SI: variants seen among roughly 807,000 people sequenced by gnomAD.
SI encodes sucrase-isomaltase, intestinal.
A neutral mutation model predicts 253.3 loss-of-function variants in SI; 235 were observed. The ratio of observed to expected loss-of-function variants is 0.93; its 90% CI spans 0.83 to 1.03. SI has a LOEUF of 1.03. SI is among the 50% of genes least tolerant of loss of function. SI has a pLI of 0.00. For missense variants in SI, 2,442 were observed against 2,211.1 expected, an observed-to-expected ratio of 1.10 and a Z score of -2.09; for synonymous variants, 819 against 712.0, an observed-to-expected ratio of 1.15 and a Z score of -2.39.
intron 33 of SI, 61 bp from the exon 34 acceptor site, chr3:165,013,103 T>C: frequency 2.9e-6 from 3 of 1,036,470 alleles, no homozygotes; most frequent in South Asian, 1.3e-5. Context: ...ATGATTGCTA[T>C]GTAGATGAAG....
At position 165,013,036 on chromosome 3, in the gene SI, G is replaced by A. The variant is rs866980007; in HGVS notation, c.4006C>T (p.Pro1336Ser). Residue 1336 changes from proline to serine, a missense_variant, in exon 34 of 48, where the codon CCA becomes TCA. Coordinates refer to ENST00000264382, the MANE Select transcript of SI (RefSeq NM_001041.4). ...TCTATTGTTATGTTGGGCAAATCTG[G>A]CCAAACCTACAAGAGACAAGACATG... ...TNDICWAKVW[P>S]DLPNITIDKT... The A allele has an allele frequency of 1.2e-6, 2 of 1,604,318 alleles. No individual in the cohort carries two copies. The highest frequency in any genetic ancestry group is 1.1e-5 in the South Asian group (1 of 90,822).
intron 44 of SI, 75 bp downstream of exon 44, chr3:164,991,278 C>A (rs1178598553): frequency 1.2e-5 from 19 of 1,560,702 alleles, no homozygotes; most frequent in Non-Finnish European, 1.7e-5. Context: ...AAATTTCAAA[C>A]CCTTTCTATT....
rs1175897541 is a variant in SI, at chr3:165,049,823, A to C, written c.1565T>G (p.Val522Gly). The C allele has an allele frequency of 5.6e-6, 9 of 1,607,162 alleles. No individual in the cohort carries two copies. The highest frequency in any genetic ancestry group is 1.3e-5 in the African/African-American group (1 of 74,890). The part of the protein sequence containing the change: ...FIQGSTKGCN[V>G]NKLNYPPFTP... ...AAACGGTGGATAATTCAATTTGTTT[A>C]CATTACATCCTTTTGTTGAACCTTG... Residue 522 changes from valine to glycine, a missense_variant, in exon 14 of 48, where the codon GTA (valine) becomes GGA (glycine). Val to Gly is a moderately radical substitution (Grantham distance 109). Transcript: ENST00000264382.
chr3:165,006,498 A>G (rs562885827), intron 37 of SI, among the ~76,000 whole-genome samples: 3 of 152,312 alleles, frequency 2.0e-5, no homozygotes, highest in African/African-American at 4.8e-5. Flanking sequence ...ATTCATTTAT[A>G]AATATTAATC....
At chr3:165,029,588 A>T (rs565089553) in intron 25 of SI, among the ~76,000 whole-genome samples, 86 of 145,690 alleles carry the variant, frequency 5.9e-4, no homozygotes, top group African/African-American at 2.0e-3. Context: ...ATACATATAT[A>T]TGTATATATA....
At chr3:165,063,372 G>T in intron 8 of SI, 70 bp downstream of exon 8, 6 of 734,668 alleles carry the variant, frequency 8.2e-6, no homozygotes, top group Admixed American at 2.0e-5. Flanking sequence ...ATGAATGATT[G>T]AAATAAAGAG....
chr3:165,017,638 A>C lies in SI; in HGVS notation c.3669T>G (p.Ala1223=), dbSNP rs1214294332. ...IGHPVMPAYW[A]LGFQLCRYGY... is the part of the protein sequence containing the mutation. ...CATAACGACATAATTGGAATCCCAA[A>C]GCCCAATAAGCTGGCATGACTGGAT... The change falls in exon 31 of 48, where the codon GCT becomes GCG. Residue 1223 remains alanine (A), a synonymous_variant. Transcript: ENST00000264382. 6.2e-7 allele frequency: 1 copy of C among 1,612,932 alleles called. No individual in the cohort carries two copies. Among genetic ancestry groups the C allele is most frequent in the Admixed American group, 1.7e-5 (1 of 59,940 alleles).
At chr3:165,012,113 T>C (rs1718800396) in intron 34 of SI, among the ~76,000 whole-genome samples, 1 of 152,186 alleles carries the variant, frequency 6.6e-6, no homozygotes, top group Non-Finnish European at 1.5e-5. Context: ...ATGTTTAGGA[T>C]GTTATACTGA....
chr3:165,025,920 A>G (rs891971105), intron 25 of SI, among the ~76,000 whole-genome samples: 2 of 151,198 alleles, frequency 1.3e-5, no homozygotes, highest in African/African-American at 2.4e-5. Context: ...CCTATAAAAC[A>G]TAATAAAAAA....
chr3:165,089,961 G>T, the SI span, among the ~76,000 whole-genome samples: 1 of 152,016 alleles, frequency 6.6e-6, no homozygotes, highest in Non-Finnish European at 1.5e-5. Context: ...AAGAAACATA[G>T]GACAGAGCAA....
the SI span, among the ~76,000 whole-genome samples, chr3:165,084,029 G>T: frequency 2.6e-5 from 4 of 151,822 alleles, no homozygotes; most frequent in Admixed American, 6.6e-5. Flanking sequence ...AAATTCATAT[G>T]CTGAAATTCC....
rs548400108 is a variant in SI, at chr3:165,001,203, C to A, written c.4407-2530G>T. Among the ~76,000 whole-genome samples, 4 of 151,406 alleles carry A rather than the reference C, an allele frequency of 2.6e-5. No homozygotes were observed. In the South Asian group the frequency reaches 8.3e-4, roughly 31 times the overall value. ...TTTTCCAAACACTTCTATCTCATGACTGGACGGTGTTCTCATGATTGGATG... is the reference window on the plus strand; with the variant it reads ...TTTTCCAAACACTTCTATCTCATGAATGGACGGTGTTCTCATGATTGGATG... On this transcript the variant is annotated intron_variant, in intron 37 of 47. Coordinates refer to ENST00000264382, the MANE Select transcript of SI (RefSeq NM_001041.4).
At chr3:164,989,365 A>G (rs1192103987) in intron 44 of SI, among the ~76,000 whole-genome samples, 1 of 121,414 alleles carries the variant, frequency 8.2e-6, no homozygotes, top group Non-Finnish European at 1.7e-5. Context: ...AGAAAGAAAG[A>G]AAGAAAGGAA....
At position 164,979,413 on chromosome 3, in the gene SI, C is replaced by T. The variant is rs1717071138; in HGVS notation, c.5433G>A (p.Leu1811=). ...CTTCTAGAGTAACATTGTGTGTGGT[C>T]AGATCAATACGTAATATCTAAAAAA... is the stretch of plus-strand genomic sequence containing the variant. ...DTTNMILRID[L]TTHNVTLEEP... The change falls in exon 48 of 48, where the codon CTG becomes CTA. Residue 1811 remains leucine, a synonymous_variant. Transcript: ENST00000264382. The T allele has an allele frequency of 1.3e-6, 2 of 1,550,452 alleles. No homozygotes were observed. The highest frequency in any genetic ancestry group is 2.7e-5 in the African/African-American group (2 of 73,598).
intron 13 of SI, among the ~76,000 whole-genome samples, chr3:165,052,167 T>C (rs1447137433): frequency 6.6e-6 from 1 of 152,152 alleles, no homozygotes; most frequent in East Asian, 1.9e-4. Flanking sequence ...ATTGTAGTGT[T>C]TTTAAGTGGC....
intron 28 of SI, among the ~76,000 whole-genome samples, chr3:165,019,211 A>T (rs1322421554): frequency 1.3e-5 from 2 of 151,958 alleles, no homozygotes; most frequent in Non-Finnish European, 2.9e-5. Context: ...TATAAAGGGA[A>T]AAAAGATCAA....
intron 33 of SI, among the ~76,000 whole-genome samples, chr3:165,014,112 G>T (rs1226067863): frequency 6.6e-6 from 1 of 152,118 alleles, no homozygotes; most frequent in Non-Finnish European, 1.5e-5. Context: ...AATTAATGTT[G>T]ATACAGTACA....
chr3:165,008,962 GTTAT>G (rs1718643859), intron 35 of SI, among the ~76,000 whole-genome samples: 1 of 151,734 alleles, frequency 6.6e-6, no homozygotes, highest in Non-Finnish European at 1.5e-5. Context: ...AGGACTAATG[GTTAT>G]TTAAGCCTGA....
At chr3:165,005,371 C>G (rs140204693) in intron 37 of SI, among the ~76,000 whole-genome samples, 6 of 152,004 alleles carry the variant, frequency 3.9e-5, no homozygotes, top group Admixed American at 2.0e-4. Context: ...GTTTGTAACA[C>G]AAAGGATAAA....
Sources: allele counts gnomAD v4.1 joint callset (sites outside exome capture counted in the v4.1 genomes callset), GRCh38; gene constraint gnomAD v4.1.1; transcripts MANE v1.5; gene names NCBI Gene and HGNC (gene_info 2026-07-23, HGNC 2026-07-21).